The following DNAI3 variants were observed in gnomAD, a reference collection of about 807,000 sequenced individuals.
DNAI3 encodes WD repeat domain 63.
Under a neutral mutation model 115.5 loss-of-function variants are expected in DNAI3, and 83 were observed. The observed-to-expected ratio is 0.72, with a 90% CI of 0.60 to 0.86. DNAI3 has a LOEUF of 0.86. DNAI3 is among the 40% of genes least tolerant of loss of function. The probability of loss-of-function intolerance (pLI) is 0.00; values close to 1 mark genes in which losing one functional copy is unlikely to be tolerated. For missense variants in DNAI3, 1,004 were observed against 1,075.8 expected, an observed-to-expected ratio of 0.93 and a Z score of 0.93; for synonymous variants, 320 against 347.0, an observed-to-expected ratio of 0.92 and a Z score of 0.86.
chr1:85,101,501 G>A (rs1330181906), intron 13 of DNAI3, among the ~76,000 whole-genome samples: 1 of 152,044 alleles, frequency 6.6e-6, no homozygotes, highest in Admixed American at 6.5e-5. Flanking sequence ...GAGGCGGGCA[G>A]ATCACGAGGT....
At chr1:85,124,709 T>G (rs1448217561) in intron 19 of DNAI3, among the ~76,000 whole-genome samples, 1 of 152,144 alleles carries the variant, frequency 6.6e-6, no homozygotes, top group South Asian at 2.1e-4. Flanking sequence ...TTGTGTGTGT[T>G]TTTTGTAGAA....
intron 16 of DNAI3, among the ~76,000 whole-genome samples, chr1:85,116,953 A>G (rs1655838347): frequency 6.6e-6 from 1 of 152,132 alleles, no homozygotes. Flanking sequence ...TAAATGTAAT[A>G]TGTCTTTTTA....
chr1:85,072,788 T>C (rs1422996764), intron 2 of DNAI3, among the ~76,000 whole-genome samples: 1 of 151,354 alleles, frequency 6.6e-6, no homozygotes, highest in Non-Finnish European at 1.5e-5. Context: ...ACCCCGTCTC[T>C]ACTAAAAATA....
rs994917785 is a variant in DNAI3, at chr1:85,099,412, C to T, written c.1479+754C>T. The T allele has an allele frequency of 1.9e-5, 7 of 361,286 alleles. 1 individual carries two copies. The highest frequency in any genetic ancestry group is 1.9e-4 in the Admixed American group (3 of 15,506). 22.4% of individuals were successfully genotyped at this position (361,286 alleles called of 1,614,324 possible). On this transcript the variant is annotated intron_variant, in intron 13 of 22. Coordinates refer to ENST00000294664, the MANE Select transcript of DNAI3 (RefSeq NM_145172.5). The stretch of plus-strand genomic sequence containing the variant: ...GAGAATAAAATACCTAGGAATCCAA[C>T]TTACAAGGGAAGTGAAGGACCTCTT...
intron 3 of DNAI3, 145 bp downstream of exon 3, chr1:85,073,237 A>G (rs1432292804): frequency 1.9e-6 from 1 of 537,564 alleles, no homozygotes; most frequent in African/African-American, 2.0e-5. Flanking sequence ...AGAATATAAA[A>G]TGAAAAATTT....
In DNAI3 at chr1:85,071,912, T is replaced by A; in HGVS notation, c.-14-16T>A. ...AAATTGTAACAATTTACTAATAATA[T>A]CATCTCTTTATGCAGCCCAAGTCAG... On this transcript the variant is annotated splice_polypyrimidine_tract_variant and intron_variant, in intron 1 of 22. Coordinates refer to ENST00000294664, the MANE Select transcript of DNAI3 (RefSeq NM_145172.5). 6.3e-7 allele frequency: 1 copy of A among 1,593,288 alleles called. No homozygotes were observed. Among genetic ancestry groups the A allele is most frequent in the South Asian group, 1.2e-5 (1 of 85,970 alleles).
At chr1:85,115,655 C>CGGAAGGG (rs1655794240) in intron 16 of DNAI3, among the ~76,000 whole-genome samples, 1 of 151,860 alleles carries the variant, frequency 6.6e-6, no homozygotes, top group Non-Finnish European at 1.5e-5. Flanking sequence ...ACCTTTTTTG[C>CGGAAGGG]ACCAGGGACC....
At chr1:85,125,167 G>A (rs1310592955) in intron 19 of DNAI3, among the ~76,000 whole-genome samples, 3 of 152,098 alleles carry the variant, frequency 2.0e-5, no homozygotes, top group Non-Finnish European at 4.4e-5. Flanking sequence ...TGGTGGGATT[G>A]TAAGTTGACA....
intron 16 of DNAI3, among the ~76,000 whole-genome samples, chr1:85,116,439 A>G (rs955001603): frequency 2.0e-5 from 3 of 152,210 alleles, no homozygotes; most frequent in Admixed American, 2.0e-4. Flanking sequence ...AGAAGTCTCC[A>G]CACTTTTAAT....
chr1:85,116,163 T>C (rs182348918), intron 16 of DNAI3, among the ~76,000 whole-genome samples: 48 of 152,332 alleles, frequency 3.2e-4, no homozygotes, highest in African/African-American at 1.1e-3. Context: ...TCTACCTGCA[T>C]GGCTCTAACT....
chr1:85,104,789 A>C (rs1655436049), intron 14 of DNAI3, among the ~76,000 whole-genome samples, 192 bp downstream of exon 14: 1 of 152,238 alleles, frequency 6.6e-6, no homozygotes, highest in Non-Finnish European at 1.5e-5. Context: ...TATGTAAAGA[A>C]GAATTAACTA....
At chr1:85,079,457 A>T (rs898743359) in intron 3 of DNAI3, among the ~76,000 whole-genome samples, 4 of 152,196 alleles carry the variant, frequency 2.6e-5, no homozygotes, top group Admixed American at 6.5e-5. Context: ...CTATTGGAAA[A>T]TAAGCTCAAA....
Position 85,077,428 on chromosome 1 carries a change from A to C in DNAI3, c.104-3806A>C, listed in dbSNP as rs190576971. On this transcript the variant is annotated intron_variant, in intron 3 of 22. Transcript: ENST00000294664. ...TTTCCCAGATATGACACCCACAGCC[A>C]AAATCCCAAGAAATCTTAAAGCTTT... Among the ~76,000 whole-genome samples the C allele has an allele frequency of 3.1e-4, 47 of 152,324 alleles. 2 individuals are homozygous for C. The East Asian group carries it at 8.7e-3, about 28-fold the overall frequency.
At position 85,063,601 on chromosome 1, in the gene DNAI3, C is replaced by T. The variant is rs187645428; in HGVS notation, c.-15+1115C>T. Among the ~76,000 whole-genome samples, 684 of 152,310 alleles carry T rather than the reference C, an allele frequency of 4.5e-3. 8 individuals are homozygous for T. Among genetic ancestry groups the T allele is most frequent in the Non-Finnish European group, 7.2e-3 (487 of 68,028 alleles). ...CAGGCTCAACCCAGACCAGCAAAAT[C>T]AAAGGAGGTCCAGGAAATTTGCATT... On this transcript the variant is annotated intron_variant, in intron 1 of 22. Coordinates refer to ENST00000294664, the MANE Select transcript of DNAI3 (RefSeq NM_145172.5).
intron 17 of DNAI3, among the ~76,000 whole-genome samples, chr1:85,119,635 A>G (rs1655932853): frequency 1.3e-5 from 2 of 152,020 alleles, no homozygotes; most frequent in Non-Finnish European, 2.9e-5. Flanking sequence ...TCCCCTGCCT[A>G]TCTCTCTGCC....
chr1:85,073,452 G>A (rs1259151854), intron 3 of DNAI3, among the ~76,000 whole-genome samples: 1 of 152,164 alleles, frequency 6.6e-6, no homozygotes, highest in East Asian at 1.9e-4. Context: ...ACGCTAAGAT[G>A]CCACTATTTC....
In DNAI3 at chr1:85,130,239, A is replaced by C. The variant is rs1018920575; in HGVS notation, c.2532+127A>C. 6 of 1,335,098 alleles carry C rather than the reference A, an allele frequency of 4.5e-6. No individual in the cohort carries two copies. In the Admixed American group the frequency reaches 1.3e-4, roughly 30 times the overall value. The allele number at this position is 1,335,098 out of a possible 1,614,324, so 82.7% of individuals were successfully genotyped here. A position where few individuals can be genotyped will look rare whatever the true frequency, so the allele number is the denominator to read the frequency against. ...CACATTCTTCTCTTGTTCTCATGAG[A>C]GTCAAGAGGGCATTCCTTTGATTTC... On this transcript the variant is annotated intron_variant, in intron 22 of 22. Coordinates refer to ENST00000294664, the MANE Select transcript of DNAI3 (RefSeq NM_145172.5).
At chr1:85,071,813 G>T in intron 1 of DNAI3, 115 bp from the exon 2 acceptor site, 1 of 1,037,044 alleles carries the variant, frequency 9.6e-7, no homozygotes, top group Non-Finnish European at 1.4e-6. Context: ...TTTAGCCCAG[G>T]GTAAATCTTA....
chr1:85,118,858 A>G (rs1322024321), intron 17 of DNAI3, among the ~76,000 whole-genome samples: 2 of 152,020 alleles, frequency 1.3e-5, no homozygotes, highest in East Asian at 3.9e-4. Context: ...GGAATCTCAA[A>G]GGTCAGGTTG....
Sources: gnomAD v4.1 joint callset for allele counts (sites outside exome capture counted in the v4.1 genomes callset) on GRCh38, gnomAD v4.1.1 for gene constraint, MANE v1.5 for transcripts, NCBI Gene and HGNC (gene_info 2026-07-23, HGNC 2026-07-21) for gene names.